The following SPATA6L variants were observed in gnomAD, a reference collection of about 807,000 sequenced individuals.
SPATA6L encodes the protein spermatogenesis associated 6 like, also known as spermatogenesis associated 6-like protein.
In SPATA6L, 68 loss-of-function variants were observed where a neutral mutation model predicts 49.2. The observed-to-expected ratio is 1.38, with a 90% CI of 1.14 to 1.69. The LOEUF (loss-of-function observed/expected upper bound fraction) is 1.69. SPATA6L is among the 40% of genes most tolerant of loss of function. The pLI is 0.00. For missense variants in SPATA6L, 668 were observed against 464.3 expected (o/e 1.44, Z -4.03); for synonymous variants, 198 against 165.7 (o/e 1.19, Z -1.50).
chr9:4,612,319 C>G (rs1826958323), intron 9 of SPATA6L, among the ~76,000 whole-genome samples: 1 of 152,134 alleles, frequency 6.6e-6, no homozygotes, highest in African/African-American at 2.4e-5. Flanking sequence ...TCTTATATCT[C>G]ATTTACTTTA....
chr9:4,632,418 A>C (rs1030064850), intron 4 of SPATA6L, among the ~76,000 whole-genome samples: 3 of 151,938 alleles, frequency 2.0e-5, no homozygotes, highest in African/African-American at 7.3e-5. Context: ...CAACATGAGG[A>C]AACCTCGTCT....
At chr9:4,641,731 T>G (rs1014346480) in intron 3 of SPATA6L, among the ~76,000 whole-genome samples, 1 of 152,218 alleles carries the variant, frequency 6.6e-6, no homozygotes, top group South Asian at 2.1e-4. Context: ...ATGTACTAAA[T>G]GCATTTTAGA....
chr9:4,664,306 A>G lies in SPATA6L; in HGVS notation c.39+1906T>C, dbSNP rs992940668. The stretch of plus-strand genomic sequence containing the variant: ...AGTGGGGAAAAGGAACGTCTTCTCA[A>G]TGCAAGAACATAAGCTTTCTCGTAT... On this transcript the variant is annotated intron_variant, in intron 1 of 11. Transcript: ENST00000682582. The G allele has an allele frequency of 3.2e-4, 54 of 166,918 alleles. 1 individual carries two copies. Among genetic ancestry groups the G allele is most frequent in the Non-Finnish European group, 1.5e-4 (10 of 68,126 alleles). 10.3% of individuals were successfully genotyped at this position (166,918 alleles called of 1,614,324 possible).
At chr9:4,643,719 T>C (rs935056804) in intron 3 of SPATA6L, among the ~76,000 whole-genome samples, 2 of 152,194 alleles carry the variant, frequency 1.3e-5, no homozygotes, top group East Asian at 1.9e-4. Context: ...AAAATAATGA[T>C]GTAGGCCGGG....
intron 3 of SPATA6L, among the ~76,000 whole-genome samples, chr9:4,643,573 C>G (rs4484748): frequency 0.43 from 64,623 of 151,992 alleles, 16,550 homozygotes; most frequent in Non-Finnish European, 0.57. Context: ...GAAAAATACA[C>G]AGCTATTGAA....
At chr9:4,643,668 A>G (rs944884633) in intron 3 of SPATA6L, among the ~76,000 whole-genome samples, 1 of 152,210 alleles carries the variant, frequency 6.6e-6, no homozygotes, top group Admixed American at 6.5e-5. Context: ...TAGACCTATA[A>G]AAAACACATA....
intron 1 of SPATA6L, 106 bp downstream of exon 1, chr9:4,666,106 T>A: frequency 1.0e-6 from 1 of 959,820 alleles, no homozygotes; most frequent in Non-Finnish European, 1.7e-6. Flanking sequence ...AAGATAATGA[T>A]GTGTTTGTGG....
chr9:4,617,694 T>C (rs1266867109), intron 9 of SPATA6L, among the ~76,000 whole-genome samples: 1 of 152,182 alleles, frequency 6.6e-6, no homozygotes. Context: ...TAAAAATGGG[T>C]AGATAAATAG....
At chr9:4,619,184 G>A (rs1342975303) in intron 7 of SPATA6L, among the ~76,000 whole-genome samples, 1 of 137,420 alleles carries the variant, frequency 7.3e-6, no homozygotes, top group African/African-American at 2.8e-5. Flanking sequence ...TTGAGATGGA[G>A]TCTCACACTG....
intron 3 of SPATA6L, among the ~76,000 whole-genome samples, chr9:4,639,405 G>A (rs10491728): frequency 0.059 from 8,994 of 152,236 alleles, 508 homozygotes; most frequent in East Asian, 0.29. Flanking sequence ...TAAGAGGCTG[G>A]AAAATTGAAA....
At chr9:4,598,279 A>G (rs922641361), downstream of SPATA6L, among the ~76,000 whole-genome samples, 1 of 152,362 alleles carries the variant, frequency 6.6e-6, no homozygotes, top group African/African-American at 2.4e-5. Context: ...ATAAAAATCA[A>G]GAAAGGAATT....
intron 6 of SPATA6L, 51 bp from the exon 7 acceptor site, chr9:4,622,561 C>G: frequency 2.4e-6 from 3 of 1,245,850 alleles, no homozygotes; most frequent in Non-Finnish European, 1.2e-6. Flanking sequence ...GCTTCTAGTA[C>G]CCTCCCCTCG....
chr9:4,620,104 T>C (rs1828933887), intron 7 of SPATA6L, among the ~76,000 whole-genome samples: 1 of 152,128 alleles, frequency 6.6e-6, no homozygotes, highest in South Asian at 2.1e-4. Flanking sequence ...GTGTGCCACC[T>C]TGTCCCAGGA....
intron 2 of SPATA6L, among the ~76,000 whole-genome samples, chr9:4,659,780 A>C (rs1216897798): frequency 1.3e-5 from 2 of 152,228 alleles, no homozygotes; most frequent in Middle Eastern, 6.3e-3. Context: ...TTCAAACTAT[A>C]CTACAAGGCT....
At chr9:4,663,015 C>G (rs776223583) in intron 1 of SPATA6L, 106 of 1,613,686 alleles carry the variant, frequency 6.6e-5, no homozygotes, top group Non-Finnish European at 8.8e-5. Flanking sequence ...CCCCTCGGGC[C>G]ATGCCACAAG....
intron 2 of SPATA6L, among the ~76,000 whole-genome samples, chr9:4,658,744 C>T (rs1838888743): frequency 6.6e-6 from 1 of 152,094 alleles, no homozygotes; most frequent in South Asian, 2.1e-4. Context: ...GTAATCCCAG[C>T]ACTTTGGAAG....
chr9:4,647,868 T>A (rs980419475), intron 3 of SPATA6L, among the ~76,000 whole-genome samples: 3 of 150,108 alleles, frequency 2.0e-5, no homozygotes, highest in Non-Finnish European at 3.0e-5. Context: ...AGGGCCTCAC[T>A]CTGTCACCCA....
intron 11 of SPATA6L, among the ~76,000 whole-genome samples, chr9:4,602,738 A>T (rs1277706801): frequency 6.6e-6 from 1 of 152,202 alleles, no homozygotes; most frequent in Non-Finnish European, 1.5e-5. Flanking sequence ...TCCATGTAAG[A>T]TTACACTCTA....
intron 11 of SPATA6L, among the ~76,000 whole-genome samples, chr9:4,601,550 G>A (rs994064319): frequency 1.4e-4 from 21 of 152,192 alleles, no homozygotes; most frequent in African/African-American, 5.1e-4. Flanking sequence ...TACGTGGTCA[G>A]ACAATGGGAC....
Sources: allele counts gnomAD v4.1 joint callset (sites outside exome capture counted in the v4.1 genomes callset), GRCh38; gene constraint gnomAD v4.1.1; transcripts MANE v1.5; gene names NCBI Gene and HGNC (gene_info 2026-07-23, HGNC 2026-07-21).